Variants in SNAPC3 observed in about 807,000 individuals in gnomAD.
The protein encoded by SNAPC3 is snRNA-activating protein complex subunit 3.
In SNAPC3, 56 loss-of-function variants were observed where a neutral mutation model predicts 47.7. The observed-to-expected ratio is 1.18, with a 90% CI of 0.95 to 1.47. The LOEUF (loss-of-function observed/expected upper bound fraction) is 1.47, where lower values mean the gene tolerates loss of function less well. Ranked by LOEUF, SNAPC3 falls within the 40% of genes most tolerant of loss-of-function variation. SNAPC3 has a pLI of 0.00. For synonymous variants in SNAPC3, 235 were observed against 189.9 expected (o/e 1.24, Z -1.95); for missense variants, 665 against 511.3 (o/e 1.30, Z -2.90).
chr9:15,424,046 T>G (rs2045872257), intron 2 of SNAPC3, 60 bp downstream of exon 2: 21 of 999,556 alleles, frequency 2.1e-5, no homozygotes, highest in Non-Finnish European at 2.7e-5. Flanking sequence ...CATTATGTTT[T>G]GAAAAGTTGA....
At position 15,461,566 on chromosome 9, in the gene SNAPC3, T is replaced by C. The variant is rs943977398; in HGVS notation, c.*1700T>C. 2.0e-5 allele frequency: 3 copies of C among 152,210 alleles called. No individual in the cohort carries two copies. Among genetic ancestry groups the C allele is most frequent in the African/African-American group, 7.2e-5 (3 of 41,460 alleles). 9.4% of individuals were successfully genotyped at this position (152,210 alleles called of 1,614,324 possible). A position where few individuals can be genotyped will look rare whatever the true frequency, so the allele number is the denominator to read the frequency against. ...ACATTTAATACTGTTTAGAAGACTTTTAGGAATACTATAGATTTCAAATGC... is the reference window on the plus strand; with the variant it reads ...ACATTTAATACTGTTTAGAAGACTTCTAGGAATACTATAGATTTCAAATGC... On this transcript the variant is annotated 3_prime_UTR_variant, in exon 9 of 9. Transcript: ENST00000380821.
chr9:15,461,432 G>A lies in SNAPC3; in HGVS notation c.*1566G>A, dbSNP rs1331548539. The A allele has an allele frequency of 6.6e-6, 1 of 152,216 alleles. No homozygotes were observed. The highest frequency in any genetic ancestry group is 6.5e-5 in the Admixed American group (1 of 15,290). 9.4% of individuals were successfully genotyped at this position (152,216 alleles called of 1,614,324 possible). ...CCGCCTTGGCCTCCCAGAGTGCTGC[G>A]ATTACAGGCATGAACCACAGCGCCC... On this transcript the variant is annotated 3_prime_UTR_variant, in exon 9 of 9. Transcript: ENST00000380821.
chr9:15,423,203 G>C lies in SNAPC3; in HGVS notation c.314+10G>C, dbSNP rs999078519. The C allele has an allele frequency of 8.3e-6, 13 of 1,571,576 alleles. No homozygotes were observed. The South Asian group carries it at 1.4e-4, about 17-fold the overall frequency. ...TGAGGGCGGTGTGCGGGTGAGTGCGGAGCAAAGGGGCTCTTGCAGCTTGGG... is the reference window on the plus strand; with the variant it reads ...TGAGGGCGGTGTGCGGGTGAGTGCGCAGCAAAGGGGCTCTTGCAGCTTGGG... On this transcript the variant is annotated intron_variant, in intron 1 of 8. Transcript: ENST00000380821.
chr9:15,465,745 C>A (rs41268961), downstream of SNAPC3: 23,270 of 553,226 alleles, frequency 0.042, 585 homozygotes, highest in South Asian at 0.066. Flanking sequence ...TTATTTTTTT[C>A]TTCTTCAAAA....
chr9:15,443,206 G>A (rs116731729), intron 3 of SNAPC3, among the ~76,000 whole-genome samples: 1,664 of 152,270 alleles, frequency 0.011, 14 homozygotes, highest in African/African-American at 0.038. Flanking sequence ...GAGAGGGAGA[G>A]AGGGAGAGGG....
rs529846144 is a variant in SNAPC3 at position 15,440,339 on chromosome 9, C to CT, written c.478-4260dup. On this transcript the variant is annotated intron_variant, in intron 3 of 8. Transcript: ENST00000380821. ...TTTTCATTTCAGCCTGAAGAATCCT[C>CT]TTTAACACTTCTTACAGGTCAGGTC... Among the ~76,000 whole-genome samples, 172 of 152,312 alleles carry CT rather than the reference C, an allele frequency of 1.1e-3. 1 individual carries two copies. Among genetic ancestry groups the CT allele is most frequent in the Admixed American group, 3.9e-3 (59 of 15,302 alleles).
intron 8 of SNAPC3, among the ~76,000 whole-genome samples, chr9:15,458,747 CTA>C (rs1329094995): frequency 6.6e-6 from 1 of 151,766 alleles, no homozygotes; most frequent in Non-Finnish European, 1.5e-5. Context: ...ACAGCAGTAA[CTA>C]TAAAAAACAT....
At chr9:15,428,564 T>G (rs1458692591) in intron 2 of SNAPC3, among the ~76,000 whole-genome samples, 1 of 151,004 alleles carries the variant, frequency 6.6e-6, no homozygotes, top group Non-Finnish European at 1.5e-5. Context: ...GAATTGAATA[T>G]ACTCAAATAA....
At chr9:15,426,748 A>G (rs896207299) in intron 2 of SNAPC3, among the ~76,000 whole-genome samples, 25 of 152,236 alleles carry the variant, frequency 1.6e-4, no homozygotes, top group Non-Finnish European at 8.8e-5. Flanking sequence ...ACTTTGCACT[A>G]CTAGGTCAAC....
chr9:15,426,855 G>A (rs527574625), intron 2 of SNAPC3, among the ~76,000 whole-genome samples: 6 of 151,940 alleles, frequency 3.9e-5, no homozygotes, highest in Non-Finnish European at 5.9e-5. Context: ...TTCAACTGGG[G>A]TTATTTTGAT....
rs2033784378 is a variant in SNAPC3, at chr9:15,444,676, GA to G, written c.554del (p.Asn185IlefsTer31). On this transcript the variant is annotated frameshift_variant, in exon 4 of 9. Transcript: ENST00000380821. LOFTEE classifies it high-confidence loss of function. ...IEEGELILSV[N>X]ILYPVIFHKH... ...AAGAAGGGGAGCTTATCCTATCTGT[GA>G]ATATCTTGTACCCTGTTATATTTCA... The G allele has an allele frequency of 2.5e-5, 41 of 1,608,140 alleles. No individual in the cohort carries two copies. Among genetic ancestry groups the G allele is most frequent in the Non-Finnish European group, 3.4e-5 (40 of 1,174,710 alleles).
intron 8 of SNAPC3, among the ~76,000 whole-genome samples, chr9:15,459,130 C>T (rs1423377482): frequency 6.6e-6 from 1 of 152,118 alleles, no homozygotes; most frequent in Non-Finnish European, 1.5e-5. Context: ...TAAAAGCAAA[C>T]ATTCCATGAG....
chr9:15,448,117 A>G (rs2034086444), intron 5 of SNAPC3, among the ~76,000 whole-genome samples: 1 of 152,150 alleles, frequency 6.6e-6, no homozygotes, highest in Non-Finnish European at 1.5e-5. Flanking sequence ...GATAAGTAAA[A>G]AGATATTTGG....
In SNAPC3 at chr9:15,459,750, G is replaced by C. The variant is rs747072653; in HGVS notation, c.1120G>C (p.Glu374Gln). ...GACGAACAATGACAGTTTTGCACCA[G>C]AGGACCCATGCTTCTTTTGTGATGT... ...WVTNNDSFAPEDPCFFCDVCF... is the reference protein window; with the variant it reads ...WVTNNDSFAPQDPCFFCDVCF... The change falls in exon 9 of 9, where the codon GAG (glutamate) becomes CAG (glutamine). Residue 374 changes from glutamate to glutamine, a missense_variant. Physicochemically the swap from Glu to Gln is conservative, Grantham distance 29. Coordinates refer to ENST00000380821, the MANE Select transcript of SNAPC3 (RefSeq NM_001039697.2). 2.5e-6 allele frequency: 4 copies of C among 1,613,640 alleles called. No homozygotes were observed. The highest frequency in any genetic ancestry group is 2.5e-6 in the Non-Finnish European group (3 of 1,179,764).
Position 15,444,651 on chromosome 9 carries a change from A to G in SNAPC3, c.527A>G (p.Glu176Gly). 1 of 1,613,126 alleles carries G rather than the reference A, an allele frequency of 6.2e-7. No individual in the cohort carries two copies. Among genetic ancestry groups the G allele is most frequent in the Non-Finnish European group, 8.5e-7 (1 of 1,179,092 alleles). The change falls in exon 4 of 9, where the codon GAA (glutamate) becomes GGA (glycine). Residue 176 changes from glutamate to glycine, a missense_variant. Physicochemically the swap from Glu to Gly is moderately conservative, Grantham distance 98. Coordinates refer to ENST00000380821, the MANE Select transcript of SNAPC3 (RefSeq NM_001039697.2). The stretch of plus-strand genomic sequence containing the variant: ...CCTGAAAATTCAGCAGACATGATTG[A>G]AGAAGGGGAGCTTATCCTATCTGTG... ...KKPENSADMI[E>G]EGELILSVNI...
rs918119602 is a variant in SNAPC3 at position 15,460,974 on chromosome 9, A to T, written c.*1108A>T. On this transcript the variant is annotated 3_prime_UTR_variant, in exon 9 of 9. Transcript: ENST00000380821. Reference sequence around the variant, plus strand: ...GGGGACATGGAAAAATCAAGATCCTATTGATTGCTAGCTCTGGCTCACTTA... The same window carrying T: ...GGGGACATGGAAAAATCAAGATCCTTTTGATTGCTAGCTCTGGCTCACTTA... The T allele has an allele frequency of 6.6e-6, 1 of 152,102 alleles. No homozygotes were observed. The highest frequency in any genetic ancestry group is 1.9e-4 in the East Asian group (1 of 5,190). The allele number at this position is 152,102 out of a possible 1,614,324, so 9.4% of individuals were successfully genotyped here. A position where few individuals can be genotyped will look rare whatever the true frequency, so the allele number is the denominator to read the frequency against.
intron 5 of SNAPC3, among the ~76,000 whole-genome samples, chr9:15,448,858 G>A (rs1355141122): frequency 6.6e-6 from 1 of 151,906 alleles, no homozygotes; most frequent in African/African-American, 2.4e-5. Context: ...TGCCCAGGCT[G>A]GAGTGCGATG....
intron 8 of SNAPC3, among the ~76,000 whole-genome samples, chr9:15,458,293 G>C (rs1179173313): frequency 6.6e-6 from 1 of 152,034 alleles, no homozygotes; most frequent in African/African-American, 2.4e-5. Context: ...CAAATTTCAG[G>C]CTTGTAAAAT....
chr9:15,455,192 G>C (rs915986537), intron 7 of SNAPC3, among the ~76,000 whole-genome samples: 1 of 152,144 alleles, frequency 6.6e-6, no homozygotes, highest in Admixed American at 6.5e-5. Context: ...GGAGGCAAGA[G>C]CCAGAAGAAT....
Sources: gnomAD v4.1 joint callset for allele counts (sites outside exome capture counted in the v4.1 genomes callset) on GRCh38, gnomAD v4.1.1 for gene constraint, MANE v1.5 for transcripts, NCBI Gene and HGNC (gene_info 2026-07-23, HGNC 2026-07-21) for gene names.